The following ARFGEF2 variants were observed in gnomAD, a reference collection of about 807,000 sequenced individuals.
ARFGEF2 encodes the protein ARF guanine nucleotide exchange factor 2.
In ARFGEF2, 74 loss-of-function variants were observed where a neutral mutation model predicts 219.9. That is an observed-to-expected ratio of 0.34 (90% CI 0.28 to 0.41). The LOEUF is 0.41. ARFGEF2 is among the 10% of genes least tolerant of loss of function. The probability of loss-of-function intolerance (pLI) is 1.00; values close to 1 mark genes in which losing one functional copy is unlikely to be tolerated. For missense variants in ARFGEF2, 1,743 were observed against 2,218.3 expected (o/e 0.79, Z 4.30); for synonymous variants, 733 against 799.2 (o/e 0.92, Z 1.40).
rs1198474462 is a variant in ARFGEF2 at position 48,984,819 on chromosome 20, C to T, written c.2049C>T (p.His683=). 1 of 1,612,786 alleles carries T rather than the reference C, an allele frequency of 6.2e-7. No individual in the cohort carries two copies. The highest frequency in any genetic ancestry group is 1.7e-5 in the Admixed American group (1 of 60,014). ...TSVEDIAQFL[H]QEERLDSTQV... Reference sequence around the variant, plus strand: ...TTGAAGACATAGCCCAATTCCTGCACCAGGAGGAGCGCCTGGATTCCGTAA... The same window carrying T: ...TTGAAGACATAGCCCAATTCCTGCATCAGGAGGAGCGCCTGGATTCCGTAA... The change falls in exon 15 of 39, where the codon CAC becomes CAT. Residue 683 remains histidine (H), a synonymous_variant. Transcript: ENST00000371917.
chr20:49,028,391 G>A (rs200702258), intron 36 of ARFGEF2, 139 bp from the exon 37 acceptor site: 1 of 945,810 alleles, frequency 1.1e-6, no homozygotes, highest in East Asian at 2.6e-5. Context: ...CTGCACTCCA[G>A]CTTAGGTGAC....
intron 1 of ARFGEF2, 113 bp downstream of exon 1, chr20:48,922,123 T>A: frequency 6.9e-7 from 1 of 1,441,256 alleles, no homozygotes; most frequent in Non-Finnish European, 9.2e-7. Context: ...CGATCCCGAA[T>A]TCCACCCTTC....
In ARFGEF2 at chr20:49,016,435, G is replaced by C. The variant is rs1568739628; in HGVS notation, c.4315+20G>C. The C allele has an allele frequency of 3.1e-6, 5 of 1,608,742 alleles. No individual in the cohort carries two copies. The highest frequency in any genetic ancestry group is 1.3e-5 in the African/African-American group (1 of 74,984). On this transcript the variant is annotated intron_variant, in intron 31 of 38. Coordinates refer to ENST00000371917, the MANE Select transcript of ARFGEF2 (RefSeq NM_006420.3). Reference sequence around the variant, plus strand: ...AACAAGGTACTCTTTAAGCCTCTAGGCATCATTTTTCTTACATAGTCTTTA... The same window carrying C: ...AACAAGGTACTCTTTAAGCCTCTAGCCATCATTTTTCTTACATAGTCTTTA...
rs373679086 is a variant in ARFGEF2 at position 48,953,213 on chromosome 20, T to C, written c.603+329T>C. ...TTTTTGGAGAGAGGGTCTTGTTCTG[T>C]TATCCAAGCTGGAGCGCAGTGACAG... is the stretch of plus-strand genomic sequence containing the variant. On this transcript the variant is annotated intron_variant, in intron 5 of 38. Transcript: ENST00000371917. Among the ~76,000 whole-genome samples the C allele has an allele frequency of 1.1e-4, 16 of 151,460 alleles. 1 individual carries two copies. Among genetic ancestry groups the C allele is most frequent in the South Asian group, 8.4e-4 (4 of 4,776 alleles).
intron 25 of ARFGEF2, among the ~76,000 whole-genome samples, chr20:49,000,570 A>G (rs1429448259): frequency 1.3e-5 from 2 of 152,188 alleles, no homozygotes; most frequent in South Asian, 4.1e-4. Context: ...ACAAATTCCT[A>G]ATTGGACCAA....
chr20:48,937,335 A>AC (rs2090964867), intron 1 of ARFGEF2, among the ~76,000 whole-genome samples: 1 of 152,192 alleles, frequency 6.6e-6, no homozygotes. Flanking sequence ...CCCATCCCTT[A>AC]CAAAGATGCC....
At chr20:48,978,591 C>T (rs1273421243) in intron 14 of ARFGEF2, among the ~76,000 whole-genome samples, 1 of 152,116 alleles carries the variant, frequency 6.6e-6, no homozygotes, top group African/African-American at 2.4e-5. Context: ...ATTGATTCTT[C>T]CTATCCATGA....
chr20:48,985,124 T>C (rs2091319645), intron 15 of ARFGEF2, among the ~76,000 whole-genome samples: 1 of 152,002 alleles, frequency 6.6e-6, no homozygotes, highest in Admixed American at 6.6e-5. Flanking sequence ...TGCTAGAAAG[T>C]TCTTACGGCT....
chr20:49,018,335 C>T (rs767090673), intron 33 of ARFGEF2, among the ~76,000 whole-genome samples: 4 of 152,094 alleles, frequency 2.6e-5, no homozygotes, highest in Non-Finnish European at 5.9e-5. Context: ...TGGGTTCAAG[C>T]GATTCTCATG....
chr20:49,032,853 C>T (rs771777626), intron 38 of ARFGEF2, among the ~76,000 whole-genome samples, 170 bp from the exon 39 acceptor site: 5 of 151,846 alleles, frequency 3.3e-5, no homozygotes, highest in African/African-American at 4.8e-5. Context: ...TCGGCCTCCC[C>T]AAGTGCTGGG....
chr20:49,005,253 A>G, intron 26 of ARFGEF2, 32 bp downstream of exon 26: 2 of 1,613,586 alleles, frequency 1.2e-6, no homozygotes, highest in African/African-American at 1.3e-5. Flanking sequence ...ACGCTTGGTC[A>G]AATTCCCCGT....
chr20:48,966,090 G>T (rs2091185318), intron 8 of ARFGEF2, 67 bp downstream of exon 8: 1 of 1,591,458 alleles, frequency 6.3e-7, no homozygotes. Context: ...GCAGAATTAA[G>T]TCTTTCCTCA....
chr20:48,966,333 G>A (rs953392648), intron 8 of ARFGEF2, among the ~76,000 whole-genome samples: 2 of 152,032 alleles, frequency 1.3e-5, no homozygotes, highest in Admixed American at 6.6e-5. Context: ...ATAGTTACCC[G>A]TCTTTCCTTC....
At chr20:49,018,161 T>A (rs1164159048) in intron 33 of ARFGEF2, among the ~76,000 whole-genome samples, 1 of 152,248 alleles carries the variant, frequency 6.6e-6, no homozygotes, top group Non-Finnish European at 1.5e-5. Flanking sequence ...TAAGTGACTC[T>A]AAGACCATTA....
At chr20:48,969,435 C>A (rs934196237) in intron 9 of ARFGEF2, among the ~76,000 whole-genome samples, 158 bp downstream of exon 9, 1 of 152,226 alleles carries the variant, frequency 6.6e-6, no homozygotes, top group African/African-American at 2.4e-5. Context: ...CTCATGCAGT[C>A]TCTAGAGTCC....
At chr20:49,019,300 A>C (rs1448172962) in intron 34 of ARFGEF2, among the ~76,000 whole-genome samples, 1 of 152,228 alleles carries the variant, frequency 6.6e-6, no homozygotes, top group Non-Finnish European at 1.5e-5. Context: ...ATTCACACAC[A>C]TACATATATA....
chr20:48,923,238 G>T (rs556791320), intron 1 of ARFGEF2, among the ~76,000 whole-genome samples: 3 of 152,060 alleles, frequency 2.0e-5, no homozygotes, highest in Non-Finnish European at 4.4e-5. Context: ...ATCTGTAAAG[G>T]CCTGTTTTTC....
chr20:48,974,387 C>G (rs1389372445), intron 12 of ARFGEF2, among the ~76,000 whole-genome samples: 2 of 152,224 alleles, frequency 1.3e-5, no homozygotes, highest in South Asian at 4.2e-4. Flanking sequence ...GCTGGGATTA[C>G]AGGCGTGAGC....
In ARFGEF2 at chr20:48,951,472, A is replaced by G. The variant is rs2295029; in HGVS notation, c.423+3A>G. On this transcript the variant is annotated splice_donor_region_variant and intron_variant, in intron 4 of 38. Transcript: ENST00000371917. ...GGGTTCAGTTACAAATAATTAAGGTATGCCTATTTGTTTGCCTGTCTGGTT... is the reference window on the plus strand; with the variant it reads ...GGGTTCAGTTACAAATAATTAAGGTGTGCCTATTTGTTTGCCTGTCTGGTT... 5,872 of 1,614,124 alleles carry G rather than the reference A, an allele frequency of 3.6e-3. 261 individuals carry two copies. In the Admixed American group the frequency reaches 0.08, roughly 22 times the overall value.
Sources: allele counts gnomAD v4.1 joint callset (sites outside exome capture counted in the v4.1 genomes callset), GRCh38; gene constraint gnomAD v4.1.1; transcripts MANE v1.5; gene names NCBI Gene and HGNC (gene_info 2026-07-23, HGNC 2026-07-21).